MYOM3: variants seen among roughly 807,000 people sequenced by gnomAD.
The protein encoded by MYOM3 is myomesin-3.
Under a neutral mutation model 191.7 loss-of-function variants are expected in MYOM3, and 155 were observed. The observed-to-expected ratio is 0.81, with a 90% confidence interval of 0.71 to 0.92. The LOEUF is 0.92. Ranked by LOEUF, MYOM3 falls within the 40% of genes least tolerant of loss-of-function variation. MYOM3 has a pLI of 0.00. For missense variants in MYOM3, 1,889 were observed against 1,890.6 expected (o/e 1.00, Z 0.02); for synonymous variants, 757 against 762.9 (o/e 0.99, Z 0.13).
intron 3 of MYOM3, 24 bp from the exon 4 acceptor site, chr1:24,107,256 G>C: frequency 6.3e-7 from 1 of 1,575,558 alleles, no homozygotes; most frequent in Non-Finnish European, 8.6e-7. Context: ...GGCCATCGGG[G>C]CTCAGGCAGG....
chr1:24,068,489 G>GTTACCCAACGGCCAGCCCCAGT, intron 25 of MYOM3, 122 bp from the exon 26 acceptor site: 1 of 1,203,590 alleles, frequency 8.3e-7, no homozygotes. Context: ...AGAGACTGGG[G>GTTACCCAACGGCCAGCCCCAGT]CTGGCCGTTG....
chr1:24,101,621 G>A lies in MYOM3; in HGVS notation c.561-1846C>T, dbSNP rs146355515. ...AAAATAATTAGCTGGGTGTGGTGGGGTGTGCCTGTCATCCTAGCTACTCAG... is the reference window on the plus strand; with the variant it reads ...AAAATAATTAGCTGGGTGTGGTGGGATGTGCCTGTCATCCTAGCTACTCAG... On this transcript the variant is annotated intron_variant, in intron 5 of 36. Coordinates refer to ENST00000374434, the MANE Select transcript of MYOM3 (RefSeq NM_152372.4). 7.9e-3 allele frequency among the ~76,000 whole-genome samples: 1,196 copies of A among 152,146 alleles called. 30 individuals carry two copies. Among genetic ancestry groups the A allele is most frequent in the Admixed American group, 0.021 (324 of 15,282 alleles).
In MYOM3 at chr1:24,080,050, A is replaced by T. The variant is rs1194628210; in HGVS notation, c.2552T>A (p.Val851Asp). Residue 851 changes from valine to aspartate, a missense_variant, in exon 20 of 37, where the codon GTC (valine) becomes GAC (aspartate). Val to Asp is a radical substitution (Grantham distance 152). Transcript: ENST00000374434. ...QEEGSEQWKP[V>D]TPGPISGTHL... ...GGTGCCAGAGATGGGGCCTGGGGTG[A>T]CCGGCTTCCACTGCTCAGAGCCTTC... 6.2e-7 allele frequency: 1 copy of T among 1,613,964 alleles called. No homozygotes were observed. Among genetic ancestry groups the T allele is most frequent in the African/African-American group, 1.3e-5 (1 of 75,024 alleles).
intron 35 of MYOM3, 62 bp downstream of exon 35, chr1:24,060,998 A>T: frequency 6.3e-7 from 1 of 1,598,594 alleles, no homozygotes; most frequent in Non-Finnish European, 8.6e-7. Context: ...AAGAGGGTTG[A>T]GCTTCCAGGA....
rs982221580 is a variant in MYOM3 at position 24,087,081 on chromosome 1, C to G, written c.1615-254G>C. Among the ~76,000 whole-genome samples the G allele has an allele frequency of 1.3e-5, 2 of 152,182 alleles. No individual in the cohort carries two copies. Among genetic ancestry groups the G allele is most frequent in the Admixed American group, 6.5e-5 (1 of 15,286 alleles). On this transcript the variant is annotated intron_variant, in intron 14 of 36. Coordinates refer to ENST00000374434, the MANE Select transcript of MYOM3 (RefSeq NM_152372.4). The surrounding 1 kb of genome is among the most constrained non-coding windows in gnomAD (Gnocchi z 4.5). ...CCACACCTGCATTGCACTGGTGGCC[C>G]CCATCCTTCCAGTCCCTCGGGTGAA...
chr1:24,060,773 C>G (rs887584785), intron 35 of MYOM3, among the ~76,000 whole-genome samples: 1 of 152,304 alleles, frequency 6.6e-6, no homozygotes. Context: ...CTCGGGAAGG[C>G]CTGCCCAGCC....
At chr1:24,065,672 A>G in intron 29 of MYOM3, 1 of 598,586 alleles carries the variant, frequency 1.7e-6, no homozygotes, top group Non-Finnish European at 3.0e-6. Context: ...TGGGGGCTTT[A>G]ATAGTTTTTT....
rs956313744 is a variant in MYOM3 at position 24,076,690 on chromosome 1, T to C, written c.2587-417A>G. ...CACTACGCCCGGCTAATTTTTTGTA[T>C]TTTTAGTAGAGACGGGGTTTCACCG... On this transcript the variant is annotated intron_variant, in intron 20 of 36. Coordinates refer to ENST00000374434, the MANE Select transcript of MYOM3 (RefSeq NM_152372.4). Among the ~76,000 whole-genome samples, 44 of 107,292 alleles carry C rather than the reference T, an allele frequency of 4.1e-4. 12 individuals carry two copies. Among genetic ancestry groups the C allele is most frequent in the Middle Eastern group, 4.1e-3 (1 of 244 alleles). 70.4% of individuals were successfully genotyped at this position (107,292 alleles called of 152,430 possible).
At chr1:24,094,477 A>C (rs547350027) in intron 9 of MYOM3, among the ~76,000 whole-genome samples, 1 of 150,896 alleles carries the variant, frequency 6.6e-6, no homozygotes, top group Non-Finnish European at 1.5e-5. Context: ...TCCCTCCCTC[A>C]CTCTTAGGGA....
At position 24,080,015 on chromosome 1, in the gene MYOM3, C is replaced by T. The variant is rs1643646877; in HGVS notation, c.2586+1G>A. Reference sequence around the variant, plus strand: ...CAGAAGATGAAGGCATAAGAACTTACCCTCAGGTGGGTGCCAGAGATGGGG... The same window carrying T: ...CAGAAGATGAAGGCATAAGAACTTATCCTCAGGTGGGTGCCAGAGATGGGG... On this transcript the variant is annotated splice_donor_variant, in intron 20 of 36. Coordinates refer to ENST00000374434, the MANE Select transcript of MYOM3 (RefSeq NM_152372.4). LOFTEE classifies it high-confidence loss of function. 3.1e-6 allele frequency: 5 copies of T among 1,607,950 alleles called. No individual in the cohort carries two copies. Among genetic ancestry groups the T allele is most frequent in the Admixed American group, 3.4e-5 (2 of 59,338 alleles).
At chr1:24,077,058 G>T (rs556934185) in intron 20 of MYOM3, among the ~76,000 whole-genome samples, 69 of 104,742 alleles carry the variant, frequency 6.6e-4, no homozygotes, top group African/African-American at 2.4e-3. Flanking sequence ...CTGACCTCAG[G>T]TGATCCACCC....
chr1:24,076,514 T>C (rs6669996), intron 20 of MYOM3, among the ~76,000 whole-genome samples: 4,610 of 51,232 alleles, frequency 0.09, 1,179 homozygotes, highest in African/African-American at 0.25. Context: ...TTTCTTTTTT[T>C]TTTTTTTTTT....
chr1:24,081,345 T>C lies in MYOM3; in HGVS notation c.2392A>G (p.Thr798Ala), dbSNP rs780912211. Residue 798 changes from threonine to alanine, a missense_variant, in exon 19 of 37, where the codon ACA becomes GCA. Coordinates refer to ENST00000374434, the MANE Select transcript of MYOM3 (RefSeq NM_152372.4). ...PSSLFECKEW[T>A]MPQPGPPYDV... ...GGCCTCTCACCTGGCTGGGGCATTG[T>C]CCACTCTTTGCACTCAAACAGGCTG... The C allele has an allele frequency of 6.2e-7, 1 of 1,614,004 alleles. No individual in the cohort carries two copies. Among genetic ancestry groups the C allele is most frequent in the South Asian group, 1.1e-5 (1 of 91,068 alleles).
At chr1:24,081,813 C>A in intron 18 of MYOM3, 188 bp downstream of exon 18, 1 of 630,002 alleles carries the variant, frequency 1.6e-6, no homozygotes, top group African/African-American at 1.8e-5. Context: ...CAAGCAATCC[C>A]AGCTCAAGCT....
At chr1:24,108,432 C>A in intron 2 of MYOM3, 44 bp downstream of exon 2, 1 of 1,478,248 alleles carries the variant, frequency 6.8e-7, no homozygotes. Context: ...ACTGGGGGCC[C>A]TGGGAACAGG....
intron 21 of MYOM3, among the ~76,000 whole-genome samples, chr1:24,075,789 C>G (rs892851485): frequency 4.6e-5 from 7 of 152,312 alleles, no homozygotes; most frequent in Admixed American, 2.6e-4. Context: ...CTTCTGCTCC[C>G]CCCACCCCTA....
Position 24,082,723 on chromosome 1 carries a change from G to A in MYOM3, c.1971-9C>T. 4 of 1,590,700 alleles carry A rather than the reference G, an allele frequency of 2.5e-6. No individual in the cohort carries two copies. The highest frequency in any genetic ancestry group is 3.4e-6 in the Non-Finnish European group (4 of 1,171,298). On this transcript the variant is annotated splice_polypyrimidine_tract_variant and intron_variant, in intron 16 of 36. Coordinates refer to ENST00000374434, the MANE Select transcript of MYOM3 (RefSeq NM_152372.4). ...GCCCGGGAACTGTAAACCTGGGAGAGAAATGTGCAGCTTTCATGGATGTAC... is the reference window on the plus strand; with the variant it reads ...GCCCGGGAACTGTAAACCTGGGAGAAAAATGTGCAGCTTTCATGGATGTAC...
chr1:24,097,743 G>T (rs972315953), intron 7 of MYOM3, among the ~76,000 whole-genome samples, 180 bp downstream of exon 7: 3 of 152,178 alleles, frequency 2.0e-5, no homozygotes, highest in African/African-American at 7.2e-5. Flanking sequence ...GGAGACTATC[G>T]CTTGCTGTGA....
intron 14 of MYOM3, among the ~76,000 whole-genome samples, chr1:24,088,927 A>G (rs1052717700): frequency 4.6e-5 from 7 of 152,058 alleles, no homozygotes; most frequent in Non-Finnish European, 1.0e-4. Context: ...AGTTTAGGAC[A>G]CTCACTCAGG....
Sources: gnomAD v4.1 joint callset for allele counts (sites outside exome capture counted in the v4.1 genomes callset) on GRCh38, gnomAD v4.1.1 for gene constraint, Gnocchi (gnomAD v3.1) non-coding constraint, MANE v1.5 for transcripts, NCBI Gene and HGNC (gene_info 2026-07-23, HGNC 2026-07-21) for gene names.